Variants in NOL4 observed in about 807,000 individuals in gnomAD.
NOL4 encodes the protein nucleolar protein 4.
In NOL4, 17 loss-of-function variants were observed where a neutral mutation model predicts 75.9. That is an observed-to-expected ratio of 0.22 (90% CI 0.15 to 0.34). The LOEUF is 0.34. Among genes scored for constraint, NOL4 ranks in the 10% least tolerant of loss-of-function variants. The pLI is 1.00. For missense variants in NOL4, 614 were observed against 793.5 expected (o/e 0.77, Z 2.72); for synonymous variants, 292 against 289.9 (o/e 1.01, Z -0.07).
chr18:34,055,659 T>C (rs2076805109), intron 5 of NOL4, among the ~76,000 whole-genome samples: 1 of 152,118 alleles, frequency 6.6e-6, no homozygotes, highest in Admixed American at 6.6e-5. Context: ...ATTTGGGAAG[T>C]TTTTTGTCAT....
At position 34,080,109 on chromosome 18, in the gene NOL4, C is replaced by T. The variant is rs77650199; in HGVS notation, c.772+13356G>A. ...CACGAGGCCTTGACACATCCTATTG[C>T]TTCTGCCTTACATGTTCTTGTGCCT... On this transcript the variant is annotated intron_variant, in intron 5 of 10. Transcript: ENST00000261592. 5.6e-3 allele frequency among the ~76,000 whole-genome samples: 860 copies of T among 152,318 alleles called. 8 individuals carry two copies. The highest frequency in any genetic ancestry group is 0.019 in the African/African-American group (799 of 41,572).
chr18:34,048,755 A>G (rs1275968088), intron 5 of NOL4: 2 of 249,682 alleles, frequency 8.0e-6, no homozygotes, highest in East Asian at 1.8e-4. Flanking sequence ...TAATCTCCCA[A>G]CAAGTTTACT....
At chr18:34,148,953 A>C (rs1164583283) in intron 1 of NOL4, among the ~76,000 whole-genome samples, 1 of 151,396 alleles carries the variant, frequency 6.6e-6, no homozygotes, top group Non-Finnish European at 1.5e-5. Flanking sequence ...ATATATACAA[A>C]CTATTTTTTC....
rs551897332 is a variant in NOL4, at chr18:34,131,248, C to A, written c.265-1228G>T. On this transcript the variant is annotated intron_variant, in intron 1 of 10. Transcript: ENST00000261592. ...TTATTTGAACAGTAACCCCAGCAGA[C>A]TGAGCTCACTGCAAAAACAAAAGTA... is the stretch of plus-strand genomic sequence containing the variant. Among the ~76,000 whole-genome samples the A allele has an allele frequency of 1.2e-3, 176 of 152,194 alleles. 1 individual carries two copies. Among genetic ancestry groups the A allele is most frequent in the Non-Finnish European group, 1.9e-3 (128 of 67,998 alleles).
intron 9 of NOL4, among the ~76,000 whole-genome samples, chr18:33,912,815 C>T (rs930588767): frequency 5.3e-5 from 8 of 151,900 alleles, no homozygotes; most frequent in East Asian, 1.9e-4. Context: ...CATTAGGTCC[C>T]CATTGTATGC....
At chr18:33,988,006 G>A (rs1395548361) in intron 6 of NOL4, among the ~76,000 whole-genome samples, 1 of 152,042 alleles carries the variant, frequency 6.6e-6, no homozygotes, top group African/African-American at 2.4e-5. Context: ...GAAGAAACTC[G>A]TCATTTCCTG....
intron 10 of NOL4, among the ~76,000 whole-genome samples, chr18:33,875,081 T>G (rs1008562662): frequency 2.6e-5 from 4 of 151,984 alleles, no homozygotes; most frequent in African/African-American, 9.7e-5. Context: ...AAAAACAAAT[T>G]GAAAAGTCTC....
At chr18:34,123,743 T>A (rs1006814795) in intron 2 of NOL4, among the ~76,000 whole-genome samples, 3 of 149,990 alleles carry the variant, frequency 2.0e-5, no homozygotes, top group Non-Finnish European at 4.4e-5. Flanking sequence ...TATATAGATA[T>A]AGAAAGACAT....
intron 1 of NOL4, among the ~76,000 whole-genome samples, chr18:34,179,059 T>C (rs4575608): frequency 0.5 from 74,794 of 150,692 alleles, 18,567 homozygotes; most frequent in Admixed American, 0.56. Context: ...AATTCACTAA[T>C]GTGGAAATTA....
chr18:33,988,626 T>G (rs374827735), intron 6 of NOL4, among the ~76,000 whole-genome samples: 4 of 151,920 alleles, frequency 2.6e-5, no homozygotes, highest in African/African-American at 9.7e-5. Context: ...CCAGTATAGA[T>G]GATGTAGATT....
chr18:34,133,966 T>C (rs1434772168), intron 1 of NOL4, among the ~76,000 whole-genome samples: 2 of 152,102 alleles, frequency 1.3e-5, no homozygotes, highest in African/African-American at 4.8e-5. Context: ...TAGGTTGCAA[T>C]GAGCTGAGAT....
At chr18:34,141,177 TAA>T (rs2081139741) in intron 1 of NOL4, among the ~76,000 whole-genome samples, 1 of 144,314 alleles carries the variant, frequency 6.9e-6, no homozygotes. Flanking sequence ...CTTAACGAAA[TAA>T]AAGAGGACAC....
intron 2 of NOL4, among the ~76,000 whole-genome samples, chr18:34,127,354 T>C (rs536604762): frequency 6.6e-6 from 1 of 152,044 alleles, no homozygotes; most frequent in South Asian, 2.1e-4. Context: ...TAAGACAGTA[T>C]GATACACTTT....
At position 34,179,705 on chromosome 18, in the gene NOL4, G is replaced by A. The variant is rs183312903; in HGVS notation, c.264+43285C>T. The stretch of plus-strand genomic sequence containing the variant: ...TCCCCAAAATTCATATATTGAAACC[G>A]AATCACCATTGTGAAGGTATTAGGA... On this transcript the variant is annotated intron_variant, in intron 1 of 10. Coordinates refer to ENST00000261592, the MANE Select transcript of NOL4 (RefSeq NM_003787.5). Among the ~76,000 whole-genome samples, 15 of 151,576 alleles carry A rather than the reference G, an allele frequency of 9.9e-5. No individual in the cohort carries two copies. The East Asian group carries it at 1.5e-3, about 16-fold the overall frequency.
intron 9 of NOL4, among the ~76,000 whole-genome samples, chr18:33,926,004 T>C (rs1238831744): frequency 6.6e-6 from 1 of 152,130 alleles, no homozygotes; most frequent in African/African-American, 2.4e-5. Context: ...GATCCTCTTT[T>C]GAAAAGTTGT....
intron 6 of NOL4, among the ~76,000 whole-genome samples, chr18:33,987,343 T>C (rs1235185435): frequency 6.6e-6 from 1 of 152,044 alleles, no homozygotes; most frequent in African/African-American, 2.4e-5. Flanking sequence ...ATGCCATAGA[T>C]GAATGACACT....
At chr18:33,953,804 G>C (rs1442613967) in intron 8 of NOL4, among the ~76,000 whole-genome samples, 1 of 152,164 alleles carries the variant, frequency 6.6e-6, no homozygotes, top group Non-Finnish European at 1.5e-5. Context: ...ATTGTACTTT[G>C]AGAATAGGAC....
chr18:34,035,277 T>C (rs528427652), intron 5 of NOL4, among the ~76,000 whole-genome samples: 58 of 152,240 alleles, frequency 3.8e-4, no homozygotes, highest in African/African-American at 1.3e-3. Context: ...TCTCAGACCA[T>C]AATGGAATAA....
chr18:34,040,261 G>C (rs760797661), intron 5 of NOL4, among the ~76,000 whole-genome samples: 1 of 151,768 alleles, frequency 6.6e-6, no homozygotes, highest in Non-Finnish European at 1.5e-5. Context: ...AAGAATAGGG[G>C]ACCCTTCCTT....
Sources: allele counts gnomAD v4.1 joint callset (sites outside exome capture counted in the v4.1 genomes callset), GRCh38; gene constraint gnomAD v4.1.1; transcripts MANE v1.5; gene names NCBI Gene and HGNC (gene_info 2026-07-23, HGNC 2026-07-21).